SLC2A5: variants seen among roughly 807,000 people sequenced by gnomAD.
SLC2A5 encodes solute carrier family 2 member 5.
SLC2A5 carries 56 observed loss-of-function variants against 50.3 expected under a neutral mutation model. That is an observed-to-expected ratio of 1.11 (90% CI 0.90 to 1.39). The LOEUF (loss-of-function observed/expected upper bound fraction) is 1.39, where lower values mean the gene tolerates loss of function less well. SLC2A5 is among the 40% of genes most tolerant of loss of function. The pLI is 0.00. For missense variants in SLC2A5, 566 were observed against 650.1 expected (o/e 0.87, Z 1.41); for synonymous variants, 269 against 281.9 (o/e 0.95, Z 0.46).
chr1:9,059,005 G>T (rs1641831986), intron 1 of SLC2A5, among the ~76,000 whole-genome samples: 1 of 152,046 alleles, frequency 6.6e-6, no homozygotes, highest in Non-Finnish European at 1.5e-5. Flanking sequence ...CAGAGTGTTT[G>T]CCAGGATTAA....
intron 1 of SLC2A5, among the ~76,000 whole-genome samples, chr1:9,060,058 ACAC>A (rs953912132): frequency 1.4e-5 from 2 of 139,712 alleles, no homozygotes; most frequent in South Asian, 2.5e-4. Context: ...CACCACACAC[ACAC>A]AATACACACA....
At chr1:9,055,485 C>A (rs553126102) in intron 3 of SLC2A5, among the ~76,000 whole-genome samples, 1 of 151,930 alleles carries the variant, frequency 6.6e-6, no homozygotes, top group Non-Finnish European at 1.5e-5. Context: ...CCATTGCACT[C>A]CAGCCTGGGT....
At chr1:9,076,786 GT>G (rs1158026090) in intron 2 of SLC2A5, among the ~76,000 whole-genome samples, 2 of 150,412 alleles carry the variant, frequency 1.3e-5, no homozygotes, top group African/African-American at 4.9e-5. Context: ...CAAGTGTGGT[GT>G]TTTTTTTGTT....
chr1:9,081,468 TAAAAAAAAAA>T (rs34557003), intron 2 of SLC2A5, among the ~76,000 whole-genome samples: 1 of 102,470 alleles, frequency 9.8e-6, no homozygotes, highest in Non-Finnish European at 1.9e-5. Context: ...CTCCTTCTCT[TAAAAAAAAAA>T]AAAAAAAAAA....
intron 1 of SLC2A5, 84 bp downstream of exon 1, chr1:9,069,419 GC>G (rs1642166162): frequency 3.6e-6 from 5 of 1,393,060 alleles, no homozygotes; most frequent in Non-Finnish European, 3.0e-6. Context: ...AACACCAGGA[GC>G]CCCCCAGCGA....
intron 2 of SLC2A5, among the ~76,000 whole-genome samples, chr1:9,076,786 G>GTTTTTTTTGTTT (rs1557684512): frequency 6.6e-6 from 1 of 150,414 alleles, no homozygotes; most frequent in Non-Finnish European, 1.5e-5. Context: ...CAAGTGTGGT[G>GTTTTTTTTGTTT]TTTTTTTTGT....
chr1:9,069,823 C>T (rs1642176695), upstream of SLC2A5: 3 of 386,552 alleles, frequency 7.8e-6, 1 homozygote, highest in South Asian at 1.1e-4. Context: ...TTCCCCATTG[C>T]TAAAGTCTCT....
At chr1:9,050,672 A>T (rs937421070) in intron 3 of SLC2A5, among the ~76,000 whole-genome samples, 2 of 152,184 alleles carry the variant, frequency 1.3e-5, no homozygotes, top group African/African-American at 4.8e-5. Context: ...ATGACTTTTC[A>T]GATATAACAC....
At chr1:9,053,097 T>TTAATATATAATATATAATATATA (rs1553169456) in intron 3 of SLC2A5, among the ~76,000 whole-genome samples, 2 of 112,874 alleles carry the variant, frequency 1.8e-5, no homozygotes, top group African/African-American at 7.1e-5. Context: ...ATAATATATA[T>TTAATATATAATATATAATATATA]TTATATATAA....
At chr1:9,065,053 CAA>C (rs199947177) in intron 1 of SLC2A5, among the ~76,000 whole-genome samples, 4,984 of 107,130 alleles carry the variant, frequency 0.047, 309 homozygotes, top group African/African-American at 0.14. Flanking sequence ...GATTCTGTCT[CAA>C]AAAAAAAAAA....
upstream of SLC2A5, among the ~76,000 whole-genome samples, chr1:9,090,028 T>C (rs1404691334): frequency 6.6e-6 from 1 of 152,178 alleles, no homozygotes; most frequent in Non-Finnish European, 1.5e-5. Flanking sequence ...CCGTTTCTGT[T>C]GGCGTGAGGG....
At chr1:9,053,938 C>T (rs1641691601) in intron 3 of SLC2A5, among the ~76,000 whole-genome samples, 1 of 151,420 alleles carries the variant, frequency 6.6e-6, no homozygotes, top group South Asian at 2.1e-4. Context: ...TAAAAGTTAT[C>T]TAAAACAATG....
chr1:9,084,483 G>A (rs774921795), intron 2 of SLC2A5, among the ~76,000 whole-genome samples: 4 of 152,156 alleles, frequency 2.6e-5, no homozygotes, highest in Non-Finnish European at 4.4e-5. Context: ...CACTGCCTGC[G>A]GTTAAGGTCC....
intron 7 of SLC2A5, 46 bp from the exon 8 acceptor site, chr1:9,039,708 C>G: frequency 6.9e-7 from 1 of 1,457,928 alleles, no homozygotes; most frequent in Non-Finnish European, 9.1e-7. Flanking sequence ...AGGAGGCGGC[C>G]TCGGCGCCAG....
chr1:9,057,762 G>A (rs1202019242), intron 2 of SLC2A5, among the ~76,000 whole-genome samples, 154 bp from the exon 3 acceptor site: 1 of 152,178 alleles, frequency 6.6e-6, no homozygotes, highest in African/African-American at 2.4e-5. Flanking sequence ...AGCTTCAGGA[G>A]CAGTGAGAAG....
upstream of SLC2A5, among the ~76,000 whole-genome samples, chr1:9,074,331 T>C (rs1188724639): frequency 1.3e-5 from 2 of 152,144 alleles, no homozygotes; most frequent in Non-Finnish European, 2.9e-5. Context: ...AAATAGTCTG[T>C]GGTCTGTGCC....
At chr1:9,059,888 T>C (rs948210617) in intron 1 of SLC2A5, among the ~76,000 whole-genome samples, 2 of 151,628 alleles carry the variant, frequency 1.3e-5, no homozygotes, top group African/African-American at 4.9e-5. Flanking sequence ...AGAGAAACAA[T>C]GATCATTCCT....
chr1:9,049,078 T>A (rs747557095), intron 3 of SLC2A5: 3 of 452,910 alleles, frequency 6.6e-6, no homozygotes, highest in South Asian at 4.7e-5. Context: ...AGCCTTCCCA[T>A]TGAAGTCAGG....
At chr1:9,087,844 TTC>T (rs893065909) in intron 1 of SLC2A5, among the ~76,000 whole-genome samples, 1 of 151,442 alleles carries the variant, frequency 6.6e-6, no homozygotes, top group Non-Finnish European at 1.5e-5. Flanking sequence ...TTCCTTCCTC[TTC>T]TCTCTCTCTC....
Sources: gnomAD v4.1 joint callset for allele counts (sites outside exome capture counted in the v4.1 genomes callset) on GRCh38, gnomAD v4.1.1 for gene constraint, MANE v1.5 for transcripts, NCBI Gene and HGNC (gene_info 2026-07-23, HGNC 2026-07-21) for gene names.